GALNT13: variants seen among roughly 807,000 people sequenced by gnomAD.
GALNT13 encodes the protein UDP-GalNAc:polypeptide N-acetylgalactosaminyltransferase 13.
Under a neutral mutation model 64.2 loss-of-function variants are expected in GALNT13, and 28 were observed. The observed-to-expected ratio is 0.44, with a 90% CI of 0.32 to 0.60. The LOEUF (loss-of-function observed/expected upper bound fraction) is 0.60. GALNT13 is among the 20% of genes least tolerant of loss of function. The probability of loss-of-function intolerance (pLI) is 0.05; values close to 1 mark genes in which losing one functional copy is unlikely to be tolerated. For synonymous variants in GALNT13, 214 were observed against 224.6 expected (o/e 0.95, Z 0.42); for missense variants, 577 against 669.8 (o/e 0.86, Z 1.53).
chr2:153,338,320 A>G, the GALNT13 span, among the ~76,000 whole-genome samples: 1 of 152,258 alleles, frequency 6.6e-6, no homozygotes, highest in South Asian at 2.1e-4. Flanking sequence ...ACAAAAATAT[A>G]AAAATATAAA....
At chr2:153,847,245 T>C in the GALNT13 span, among the ~76,000 whole-genome samples, 1 of 152,018 alleles carries the variant, frequency 6.6e-6, no homozygotes, top group Non-Finnish European at 1.5e-5. Context: ...CTTCAAATTA[T>C]ATAGAAAGAA....
chr2:154,150,427 G>A (rs900224894), intron 4 of GALNT13, among the ~76,000 whole-genome samples: 3 of 152,250 alleles, frequency 2.0e-5, no homozygotes, highest in African/African-American at 7.2e-5. Context: ...TGGTTATCAG[G>A]ATGATGCTGG....
the GALNT13 span, among the ~76,000 whole-genome samples, chr2:153,250,121 T>A: frequency 6.6e-6 from 1 of 151,704 alleles, no homozygotes; most frequent in African/African-American, 2.4e-5. Context: ...TGGGAGAAAA[T>A]TTTTGCAATC....
chr2:153,215,951 T>C, the GALNT13 span, among the ~76,000 whole-genome samples: 7 of 151,940 alleles, frequency 4.6e-5, no homozygotes, highest in Admixed American at 1.3e-4. Context: ...TTCCATCAAC[T>C]CCCCATATTT....
chr2:153,277,923 C>CTTTTTTTTTTTTTTT, the GALNT13 span, among the ~76,000 whole-genome samples: 200 of 78,906 alleles, frequency 2.5e-3, 54 homozygotes, highest in Non-Finnish European at 3.3e-3. Context: ...GTTTTCTTTT[C>CTTTTTTTTTTTTTTT]TTTCTTTTTT....
the GALNT13 span, among the ~76,000 whole-genome samples, chr2:153,562,060 C>CTGTGTGTGTGTGTGTGTGTGTG: frequency 8.4e-6 from 1 of 118,904 alleles, no homozygotes; most frequent in African/African-American, 3.8e-5. Flanking sequence ...CTCTCTCTCT[C>CTGTGTGTGTGTGTGTGTGTGTG]TGTGTGTGTG....
chr2:154,437,988 G>C (rs1701078083), intron 11 of GALNT13: 1 of 178,698 alleles, frequency 5.6e-6, no homozygotes, highest in Non-Finnish European at 1.2e-5. Flanking sequence ...AATCCACCGT[G>C]ACATTTCTTG....
intron 9 of GALNT13, among the ~76,000 whole-genome samples, chr2:154,314,045 T>C (rs1025903811): frequency 1.3e-5 from 2 of 152,158 alleles, no homozygotes; most frequent in South Asian, 2.1e-4. Context: ...AGAACACTTA[T>C]GAAAAATGCA....
chr2:153,834,103 C>T, the GALNT13 span, among the ~76,000 whole-genome samples: 2 of 151,996 alleles, frequency 1.3e-5, no homozygotes, highest in Admixed American at 6.6e-5. Flanking sequence ...GTCTTCACCC[C>T]CTTGTAAGGA....
the GALNT13 span, among the ~76,000 whole-genome samples, chr2:153,514,406 C>T: frequency 6.6e-6 from 1 of 152,106 alleles, no homozygotes; most frequent in African/African-American, 2.4e-5. Flanking sequence ...TATATTCTTA[C>T]TCTTTTTGTT....
the GALNT13 span, among the ~76,000 whole-genome samples, chr2:153,730,318 T>G: frequency 9.2e-5 from 14 of 151,836 alleles, no homozygotes; most frequent in African/African-American, 3.4e-4. Context: ...TTGACAAAAT[T>G]GACAAAATAA....
At chr2:154,130,272 T>G (rs1574560311) in intron 3 of GALNT13, among the ~76,000 whole-genome samples, 2 of 152,048 alleles carry the variant, frequency 1.3e-5, no homozygotes, top group East Asian at 3.9e-4. Flanking sequence ...CATCATTGCC[T>G]TACCAACCAG....
intron 4 of GALNT13, among the ~76,000 whole-genome samples, chr2:154,176,268 T>TTTA (rs2105716036): frequency 6.7e-6 from 1 of 148,338 alleles, no homozygotes; most frequent in African/African-American, 2.5e-5. Context: ...TATTTATTTA[T>TTTA]TTATTTATTT....
At chr2:153,982,075 A>G (rs1694504190) in intron 3 of GALNT13, among the ~76,000 whole-genome samples, 2 of 152,116 alleles carry the variant, frequency 1.3e-5, no homozygotes, top group African/African-American at 4.8e-5. Context: ...GCTCTTTCAA[A>G]CTGACACTCA....
chr2:153,920,354 A>C (rs906838271), intron 2 of GALNT13, among the ~76,000 whole-genome samples: 1 of 152,116 alleles, frequency 6.6e-6, no homozygotes, highest in African/African-American at 2.4e-5. Flanking sequence ...CTGATCTTCC[A>C]CAAAGCTAAC....
the GALNT13 span, among the ~76,000 whole-genome samples, chr2:153,513,268 A>G: frequency 6.6e-6 from 1 of 152,134 alleles, no homozygotes; most frequent in African/African-American, 2.4e-5. Context: ...TTATTTAATT[A>G]CTTTCATAGA....
chr2:154,088,522 G>A (rs1365844307), intron 3 of GALNT13, among the ~76,000 whole-genome samples: 1 of 152,154 alleles, frequency 6.6e-6, no homozygotes, highest in African/African-American at 2.4e-5. Context: ...CACGATCTTG[G>A]CTCACTGCAA....
the GALNT13 span, among the ~76,000 whole-genome samples, chr2:153,083,949 A>G: frequency 3.3e-5 from 5 of 152,182 alleles, no homozygotes; most frequent in African/African-American, 1.2e-4. Context: ...TCATTCTTCT[A>G]CATGTGGCTT....
rs186967283 is a variant in GALNT13 at position 154,174,624 on chromosome 2, A to G, written c.311+34119A>G. 2.3e-3 allele frequency among the ~76,000 whole-genome samples: 351 copies of G among 152,248 alleles called. 5 individuals are homozygous for G. Among genetic ancestry groups the G allele is most frequent in the Non-Finnish European group, 1.0e-3 (71 of 67,994 alleles). ...AGCAAGATGAGTTTTGGAGTGTTTG[A>G]GTTTATTAGGTTTACTTAAAGATAT... On this transcript the variant is annotated intron_variant, in intron 4 of 12. Coordinates refer to ENST00000392825, the MANE Select transcript of GALNT13 (RefSeq NM_052917.4).
Sources: allele counts gnomAD v4.1 joint callset (sites outside exome capture counted in the v4.1 genomes callset), GRCh38; gene constraint gnomAD v4.1.1; transcripts MANE v1.5; gene names NCBI Gene and HGNC (gene_info 2026-07-23, HGNC 2026-07-21).